The following TCERG1 variants were observed in gnomAD, a reference collection of about 807,000 sequenced individuals.
The protein encoded by TCERG1 is TATA box binding protein (TBP)-associated factor, RNA polymerase II, S, 150kD.
In TCERG1, 37 loss-of-function variants were observed where a neutral mutation model predicts 144.7. The ratio of observed to expected loss-of-function variants is 0.26; its 90% CI spans 0.20 to 0.34. The LOEUF (loss-of-function observed/expected upper bound fraction) is 0.34. Among genes scored for constraint, TCERG1 ranks in the 10% least tolerant of loss-of-function variants. TCERG1 has a pLI of 1.00. For synonymous variants in TCERG1, 492 were observed against 458.2 expected, an observed-to-expected ratio of 1.07 and a Z score of -0.94; for missense variants, 1,027 against 1,380.7, an observed-to-expected ratio of 0.74 and a Z score of 4.06.
intron 9 of TCERG1, among the ~76,000 whole-genome samples, chr5:146,472,753 G>A (rs879671735): frequency 3.0e-5 from 4 of 133,864 alleles, no homozygotes; most frequent in Non-Finnish European, 4.8e-5. Flanking sequence ...TTGCTCTGTC[G>A]CCCAGGCTGG....
intron 16 of TCERG1, 73 bp downstream of exon 16, chr5:146,493,111 A>G (rs976741914): frequency 4.0e-5 from 46 of 1,156,518 alleles, no homozygotes; most frequent in Non-Finnish European, 5.3e-5. Flanking sequence ...AAAATTAAAA[A>G]AATAGATATT....
intron 17 of TCERG1, among the ~76,000 whole-genome samples, chr5:146,501,258 G>A (rs1452233135): frequency 6.6e-6 from 1 of 151,982 alleles, no homozygotes; most frequent in Non-Finnish European, 1.5e-5. Context: ...GTAAGGAATG[G>A]GGAGAATAAT....
chr5:146,477,423 A>G (rs1248457217), intron 9 of TCERG1, among the ~76,000 whole-genome samples: 1 of 152,174 alleles, frequency 6.6e-6, no homozygotes, highest in African/African-American at 2.4e-5. Flanking sequence ...TACTGCAACC[A>G]TGCCACTCTG....
chr5:146,452,698 T>C (rs979728508), intron 1 of TCERG1, among the ~76,000 whole-genome samples: 1 of 152,198 alleles, frequency 6.6e-6, no homozygotes, highest in African/African-American at 2.4e-5. Context: ...CAAGCAATTC[T>C]TCTGCTTCCG....
intron 18 of TCERG1, 110 bp from the exon 19 acceptor site, chr5:146,503,714 T>C: frequency 7.1e-7 from 1 of 1,410,742 alleles, no homozygotes; most frequent in South Asian, 1.5e-5. Context: ...TTTAGGTATA[T>C]TCTGGGCAAA....
At chr5:146,491,984 C>T (rs1766471915) in intron 15 of TCERG1, among the ~76,000 whole-genome samples, 1 of 152,120 alleles carries the variant, frequency 6.6e-6, no homozygotes, top group African/African-American at 2.4e-5. Flanking sequence ...TAGAAACTAT[C>T]CTTGAGCTGT....
intron 16 of TCERG1, among the ~76,000 whole-genome samples, chr5:146,497,374 T>C (rs1057268237): frequency 1.3e-5 from 2 of 152,162 alleles, no homozygotes; most frequent in Non-Finnish European, 2.9e-5. Flanking sequence ...CTCGAACTCC[T>C]GGCCTCAAAT....
In TCERG1 at chr5:146,459,048, A is replaced by C. The variant is rs151176678; in HGVS notation, c.603A>C (p.Ala201=). 3.1e-6 allele frequency: 5 copies of C among 1,596,024 alleles called. No individual in the cohort carries two copies. Among genetic ancestry groups the C allele is most frequent in the African/African-American group, 2.7e-5 (2 of 73,102 alleles). Residue 201 remains alanine, a synonymous_variant, in exon 4 of 23, where the codon GCA becomes GCC. Transcript: ENST00000679501. The stretch of plus-strand genomic sequence containing the variant: ...CCCAGGCGCAGGCTCAGGCCCAGGC[A>C]CAAGCTCAGGCCCAGGCTCAGGCTC... ...AQAQAQAQAQ[A]QAQAQAQAQA...
At chr5:146,452,302 G>GT (rs77715789) in intron 1 of TCERG1, among the ~76,000 whole-genome samples, 27,099 of 151,988 alleles carry the variant, frequency 0.18, 3,697 homozygotes, top group East Asian at 0.78. Context: ...AGAAATGTAG[G>GT]TTTTTTATGT....
chr5:146,484,031 G>A (rs940404454), intron 15 of TCERG1, among the ~76,000 whole-genome samples: 5 of 152,090 alleles, frequency 3.3e-5, no homozygotes, highest in Non-Finnish European at 4.4e-5. Context: ...TATGACTACC[G>A]TTGAACACTG....
chr5:146,472,701 TTGTG>T (rs59508893), intron 9 of TCERG1, among the ~76,000 whole-genome samples: 11 of 145,942 alleles, frequency 7.5e-5, no homozygotes, highest in Non-Finnish European at 1.3e-4. Flanking sequence ...ACCTCTCACT[TTGTG>T]TGTGTGTGTG....
Position 146,463,781 on chromosome 5 carries a change from A to G in TCERG1, c.1123A>G (p.Ile375Val), listed in dbSNP as rs758126465. Residue 375 changes from isoleucine to valine, a missense_variant, in exon 5 of 23, where the codon ATT becomes GTT. This residue lies in a region of TCERG1 where 482 missense variants were observed against 632.6 expected (regional missense o/e 0.76). Transcript: ENST00000679501. Reference protein sequence around the residue: ...PFRVPLPGMPIPLPGVAMMQI... With the variant: ...PFRVPLPGMPVPLPGVAMMQI... Reference sequence around the variant, plus strand: ...TCGTGTTCCCCTTCCTGGCATGCCAATTCCACTTCCAGGTAAACCAACAGA... The same window carrying G: ...TCGTGTTCCCCTTCCTGGCATGCCAGTTCCACTTCCAGGTAAACCAACAGA... 3 of 1,614,178 alleles carry G rather than the reference A, an allele frequency of 1.9e-6. No homozygotes were observed. The highest frequency in any genetic ancestry group is 2.2e-5 in the South Asian group (2 of 91,078).
chr5:146,480,999 G>A (rs1765320083), intron 12 of TCERG1, among the ~76,000 whole-genome samples, 151 bp from the exon 13 acceptor site: 1 of 149,590 alleles, frequency 6.7e-6, no homozygotes, highest in African/African-American at 2.5e-5. Flanking sequence ...CCTAGAATAA[G>A]ACATTTGTTT....
chr5:146,497,713 A>G (rs1035995617), intron 16 of TCERG1, among the ~76,000 whole-genome samples: 2 of 152,148 alleles, frequency 1.3e-5, no homozygotes, highest in African/African-American at 4.8e-5. Flanking sequence ...TGTTTTGTTA[A>G]TGTGAATCTC....
In TCERG1 at chr5:146,471,497, G is replaced by A. The variant is rs1160245857; in HGVS notation, c.1522G>A (p.Glu508Lys). 1 of 1,612,994 alleles carries A rather than the reference G, an allele frequency of 6.2e-7. No homozygotes were observed. Among genetic ancestry groups the A allele is most frequent in the Admixed American group, 1.7e-5 (1 of 59,870 alleles). ...ATATCATTTCTTGTAGGAGCCCAAAGAAGAGGAGATGACTGAAGAAGAAAA... is the reference window on the plus strand; with the variant it reads ...ATATCATTTCTTGTAGGAGCCCAAAAAAGAGGAGATGACTGAAGAAGAAAA... The part of the protein sequence containing the change: ...PIKEIKEEPK[E>K]EEMTEEEKAA... Residue 508 changes from glutamate (E) to lysine (K), a missense_variant, in exon 9 of 23, where the codon GAA becomes AAA. Glu to Lys is a moderately conservative substitution (Grantham distance 56). Coordinates refer to ENST00000679501, the MANE Select transcript of TCERG1 (RefSeq NM_001382548.1).
At chr5:146,451,143 A>G (rs552608641) in intron 1 of TCERG1, among the ~76,000 whole-genome samples, 1 of 152,312 alleles carries the variant, frequency 6.6e-6, no homozygotes, top group Non-Finnish European at 1.5e-5. Flanking sequence ...TGGAAAGAAA[A>G]TCTAAGAGTA....
chr5:146,473,069 A>G lies in TCERG1; in HGVS notation c.1601+1493A>G, dbSNP rs552732360. Among the ~76,000 whole-genome samples the G allele has an allele frequency of 8.9e-4, 135 of 152,346 alleles. 1 individual carries two copies. The highest frequency in any genetic ancestry group is 3.2e-3 in the African/African-American group (131 of 41,586). On this transcript the variant is annotated intron_variant, in intron 9 of 22. Transcript: ENST00000679501. The stretch of plus-strand genomic sequence containing the variant: ...CATGATTAAGCTTAGTAAGGAAGGC[A>G]TGTCAAAAGCCGAGATAGGCTGAAA...
rs1765478179 is a variant in TCERG1 at position 146,482,806 on chromosome 5, A to C, written c.2073+79A>C. The C allele has an allele frequency of 4.8e-6, 7 of 1,463,148 alleles. No homozygotes were observed. The South Asian group carries it at 9.0e-5, about 19-fold the overall frequency. 90.6% of individuals were successfully genotyped at this position (1,463,148 alleles called of 1,614,324 possible). The stretch of plus-strand genomic sequence containing the variant: ...TATGTCTTGCTAAAAGGTCAAATCT[A>C]AGGTTAGTGCTCATGTTATGGGGGG... On this transcript the variant is annotated intron_variant, in intron 14 of 22. Transcript: ENST00000679501.
At position 146,503,817 on chromosome 5, in the gene TCERG1, T is replaced by C. The variant is rs768218865; in HGVS notation, c.2599-7T>C. ...TAAGAAGGATAATGTAGTTTTTGCT[T>C]TTACAGAATTTAGACTCAGAAAAAG... On this transcript the variant is annotated splice_polypyrimidine_tract_variant and splice_region_variant and intron_variant, in intron 18 of 22. Coordinates refer to ENST00000679501, the MANE Select transcript of TCERG1 (RefSeq NM_001382548.1). 6.3e-7 allele frequency: 1 copy of C among 1,575,320 alleles called. No homozygotes were observed. The highest frequency in any genetic ancestry group is 1.2e-5 in the South Asian group (1 of 83,630).
Sources: gnomAD v4.1 joint callset for allele counts (sites outside exome capture counted in the v4.1 genomes callset) on GRCh38, gnomAD v4.1.1 for gene constraint, gnomAD v4.1.1 regional missense constraint, MANE v1.5 for transcripts, NCBI Gene and HGNC (gene_info 2026-07-23, HGNC 2026-07-21) for gene names.